The following ANKRD17 variants were observed in gnomAD, a reference collection of about 807,000 sequenced individuals.
The protein encoded by ANKRD17 is ankyrin repeat domain 17.
ANKRD17 carries 19 observed loss-of-function variants against 229.7 expected under a neutral mutation model. The ratio of observed to expected loss-of-function variants is 0.08; its 90% confidence interval spans 0.06 to 0.12. ANKRD17 has a LOEUF of 0.12. Among genes scored for constraint, ANKRD17 ranks in the 10% least tolerant of loss-of-function variants. The pLI is 1.00. For synonymous variants in ANKRD17, 1,112 were observed against 1,146.1 expected (o/e 0.97, Z 0.60); for missense variants, 2,176 against 3,176.8 (o/e 0.68, Z 7.57).
intron 15 of ANKRD17, 147 bp from the exon 16 acceptor site, chr4:73,135,412 A>T: frequency 1.5e-6 from 1 of 646,076 alleles, no homozygotes; most frequent in Middle Eastern, 3.9e-4. Flanking sequence ...TTTCCTGGTT[A>T]TTATTCACTG....
intron 2 of ANKRD17, among the ~76,000 whole-genome samples, chr4:73,163,155 C>T (rs192201022): frequency 6.6e-6 from 1 of 152,048 alleles, no homozygotes; most frequent in Non-Finnish European, 1.5e-5. Context: ...GTGATCCAGC[C>T]CCCTGTAGTG....
At chr4:73,083,002 G>A (rs112298730) in intron 30 of ANKRD17, among the ~76,000 whole-genome samples, 47 of 152,266 alleles carry the variant, frequency 3.1e-4, no homozygotes, top group African/African-American at 1.1e-3. Context: ...AAAAGGGCTT[G>A]ACGTCTACAA....
Position 73,077,017 on chromosome 4 carries a change from G to A in ANKRD17, c.7675C>T (p.Pro2559Ser). The A allele has an allele frequency of 4.3e-6, 7 of 1,613,712 alleles. No homozygotes were observed. The highest frequency in any genetic ancestry group is 5.9e-6 in the Non-Finnish European group (7 of 1,179,854). Residue 2559 changes from proline (P) to serine (S), a missense_variant, in exon 33 of 34, where the codon CCT (proline) becomes TCT (serine). Physicochemically the swap from Pro to Ser is moderately conservative, Grantham distance 74. This residue lies in a region of ANKRD17 where 159 missense variants were observed against 214.3 expected (regional missense o/e 0.74). Coordinates refer to ENST00000358602, the MANE Select transcript of ANKRD17 (RefSeq NM_032217.5). The part of the protein sequence containing the change: ...DGAGGPIFNG[P>S]HAADPSWNSL... Reference sequence around the variant, plus strand: ...TTCCAAGAAGGGTCTGCAGCATGAGGGCCATTAAATATGGGTCCTCCAGCA... The same window carrying A: ...TTCCAAGAAGGGTCTGCAGCATGAGAGCCATTAAATATGGGTCCTCCAGCA...
At chr4:73,098,736 T>C in intron 25 of ANKRD17, 1 of 956,132 alleles carries the variant, frequency 1.0e-6, no homozygotes, top group East Asian at 2.6e-5. Context: ...ATAAAAAATA[T>C]TTTGGGGGGC....
intron 1 of ANKRD17, among the ~76,000 whole-genome samples, chr4:73,254,316 G>A (rs543547771): frequency 9.2e-5 from 14 of 151,866 alleles, no homozygotes; most frequent in Non-Finnish European, 1.5e-4. Flanking sequence ...TTTATTTACC[G>A]GCTCCCTTTG....
intron 1 of ANKRD17, among the ~76,000 whole-genome samples, chr4:73,178,657 T>C (rs1050103917): frequency 6.6e-6 from 1 of 152,128 alleles, no homozygotes; most frequent in Non-Finnish European, 1.5e-5. Context: ...AAAATAGTTT[T>C]GACCTCATGG....
chr4:73,076,354 CTT>C (rs1286336333), intron 33 of ANKRD17, 64 bp from the exon 34 acceptor site: 2 of 1,326,214 alleles, frequency 1.5e-6, no homozygotes, highest in Admixed American at 3.1e-5. Context: ...TAAAATAAAA[CTT>C]TTAAAAAACT....
chr4:73,206,580 G>C (rs965192194), intron 1 of ANKRD17, among the ~76,000 whole-genome samples: 6 of 152,140 alleles, frequency 3.9e-5, no homozygotes, highest in Non-Finnish European at 7.4e-5. Flanking sequence ...AGAAATGCAA[G>C]CACTGCATGA....
intron 1 of ANKRD17, among the ~76,000 whole-genome samples, chr4:73,243,932 C>T (rs552432005): frequency 2.6e-4 from 39 of 152,304 alleles, no homozygotes; most frequent in Admixed American, 5.2e-4. Flanking sequence ...ATACCATAGA[C>T]TGGGTAGTTT....
Position 73,139,628 on chromosome 4 carries a change from T to C in ANKRD17, c.2988A>G (p.Ala996=). Residue 996 remains alanine, a synonymous_variant, in exon 15 of 34, where the codon GCA becomes GCG. Coordinates refer to ENST00000358602, the MANE Select transcript of ANKRD17 (RefSeq NM_032217.5). ...GQPVLGQAQL[A]GLGQGILTET... is the part of the protein sequence containing the mutation. ...CTGTCAGAATTCCTTGCCCCAGCCCTGCCAACTGTGCTTGGCCCAGTACTG... is the reference window on the plus strand; with the variant it reads ...CTGTCAGAATTCCTTGCCCCAGCCCCGCCAACTGTGCTTGGCCCAGTACTG... 6.2e-7 allele frequency: 1 copy of C among 1,614,150 alleles called. No homozygotes were observed. Among genetic ancestry groups the C allele is most frequent in the Non-Finnish European group, 8.5e-7 (1 of 1,180,008 alleles).
At chr4:73,245,766 A>G (rs372163895) in intron 1 of ANKRD17, among the ~76,000 whole-genome samples, 1 of 152,348 alleles carries the variant, frequency 6.6e-6, no homozygotes, top group African/African-American at 2.4e-5. Flanking sequence ...TAAGGGAGAG[A>G]GGAGCTAGCC....
At chr4:73,099,091 G>A in intron 25 of ANKRD17, 1 of 853,598 alleles carries the variant, frequency 1.2e-6, no homozygotes, top group Admixed American at 1.8e-5. Context: ...CCAAAAAACT[G>A]GAGAAGGAGG....
chr4:73,199,204 G>A (rs963961927), intron 1 of ANKRD17, among the ~76,000 whole-genome samples: 1 of 148,858 alleles, frequency 6.7e-6, no homozygotes, highest in Non-Finnish European at 1.5e-5. Context: ...AACAGGCTGC[G>A]AAAACATACA....
chr4:73,118,643 G>T, intron 22 of ANKRD17, 45 bp downstream of exon 22: 1 of 1,606,640 alleles, frequency 6.2e-7, no homozygotes, highest in African/African-American at 1.3e-5. Flanking sequence ...ACTTCCTAGT[G>T]TAAGTAAAAA....
At position 73,106,893 on chromosome 4, in the gene ANKRD17, A is replaced by C. The variant is rs548652923; in HGVS notation, c.4402-4346T>G. On this transcript the variant is annotated intron_variant, in intron 24 of 33. Coordinates refer to ENST00000358602, the MANE Select transcript of ANKRD17 (RefSeq NM_032217.5). The stretch of plus-strand genomic sequence containing the variant: ...ACTCCGTCTTTAAAAAAAAAAAAAA[A>C]AAAAAAAAAGCGAAACTGTAAAAGT... Among the ~76,000 whole-genome samples the C allele has an allele frequency of 2.0e-4, 31 of 151,534 alleles. No individual in the cohort carries two copies. In the South Asian group the frequency reaches 6.2e-3, roughly 30 times the overall value.
intron 11 of ANKRD17, among the ~76,000 whole-genome samples, chr4:73,144,417 A>G (rs1351724326): frequency 6.6e-6 from 1 of 152,244 alleles, no homozygotes; most frequent in Non-Finnish European, 1.5e-5. Flanking sequence ...CAGAAACATC[A>G]TAAAATTCCA....
In ANKRD17 at chr4:73,127,322, C is replaced by T. The variant is rs1002677925; in HGVS notation, c.3235-2010G>A. Reference sequence around the variant, plus strand: ...GAAATAAAAATGTAAATTATCTCAGCAATTGTGGTGTATTGATTGCATGAC... The same window carrying T: ...GAAATAAAAATGTAAATTATCTCAGTAATTGTGGTGTATTGATTGCATGAC... On this transcript the variant is annotated intron_variant, in intron 16 of 33. Coordinates refer to ENST00000358602, the MANE Select transcript of ANKRD17 (RefSeq NM_032217.5). 1.1e-4 allele frequency among the ~76,000 whole-genome samples: 17 copies of T among 152,050 alleles called. 1 individual carries two copies. Among genetic ancestry groups the T allele is most frequent in the African/African-American group, 3.9e-4 (16 of 41,388 alleles).
At chr4:73,232,576 C>T (rs1015998528) in intron 1 of ANKRD17, among the ~76,000 whole-genome samples, 7 of 152,164 alleles carry the variant, frequency 4.6e-5, no homozygotes, top group African/African-American at 1.7e-4. Context: ...TTGTATTCTA[C>T]ACAACTTTCT....
In ANKRD17 at chr4:73,148,235, C is replaced by T. The variant is rs543637329; in HGVS notation, c.1567+578G>A. 1.1e-3 allele frequency among the ~76,000 whole-genome samples: 172 copies of T among 152,188 alleles called. 2 individuals carry two copies. The highest frequency in any genetic ancestry group is 3.8e-3 in the African/African-American group (158 of 41,522). ...ATTTGTCCAGACAAAAACTTTACTA[C>T]TGAAAGAAAAATAAAATCACACTAC... On this transcript the variant is annotated intron_variant, in intron 8 of 33. Transcript: ENST00000358602.
Sources: allele counts gnomAD v4.1 joint callset (sites outside exome capture counted in the v4.1 genomes callset), GRCh38; gene constraint gnomAD v4.1.1; regional missense constraint gnomAD v4.1.1; transcripts MANE v1.5; gene names NCBI Gene and HGNC (gene_info 2026-07-23, HGNC 2026-07-21).